NASP: variants seen among roughly 807,000 people sequenced by gnomAD.
The protein encoded by NASP is nuclear autoantigenic sperm protein.
A neutral mutation model predicts 89.5 loss-of-function variants in NASP; 24 were observed. That is an observed-to-expected ratio of 0.27 (90% confidence interval 0.19 to 0.38). NASP has a LOEUF of 0.38. Ranked by LOEUF, NASP falls within the 10% of genes least tolerant of loss-of-function variation. The pLI is 1.00. For synonymous variants in NASP, 306 were observed against 324.7 expected, an observed-to-expected ratio of 0.94 and a Z score of 0.62; for missense variants, 848 against 921.4, an observed-to-expected ratio of 0.92 and a Z score of 1.03.
intron 11 of NASP, 114 bp downstream of exon 11, chr1:45,615,585 T>C: frequency 1.1e-6 from 1 of 949,018 alleles, no homozygotes; most frequent in Non-Finnish European, 1.6e-6. Context: ...TGGGCTCATC[T>C]AATTATTCCT....
intron 2 of NASP, chr1:45,594,709 A>G: frequency 2.2e-6 from 1 of 455,562 alleles, no homozygotes; most frequent in Non-Finnish European, 4.4e-6. Flanking sequence ...AGGTTTCGTC[A>G]CGTTGCCCAG....
intron 14 of NASP, 132 bp downstream of exon 14, chr1:45,617,723 A>G: frequency 8.9e-7 from 1 of 1,126,010 alleles, no homozygotes; most frequent in South Asian, 1.7e-5. Flanking sequence ...CTCACAGAAA[A>G]CGGTACTTGT....
chr1:45,618,854 A>G lies in NASP; in HGVS notation c.*713A>G, dbSNP rs925410773. On this transcript the variant is annotated 3_prime_UTR_variant, in exon 15 of 15. Transcript: ENST00000350030. ...ATATCAACACTTGGAATTGTTACCC[A>G]TCTGCAGAATTGACTTCTCAAATAA... 2.3e-4 allele frequency: 35 copies of G among 152,224 alleles called. No homozygotes were observed. The highest frequency in any genetic ancestry group is 7.2e-4 in the African/African-American group (30 of 41,442). 9.4% of individuals were successfully genotyped at this position (152,224 alleles called of 1,614,324 possible).
At chr1:45,587,510 A>G (rs918809079) in intron 1 of NASP, among the ~76,000 whole-genome samples, 1 of 151,510 alleles carries the variant, frequency 6.6e-6, no homozygotes, top group Non-Finnish European at 1.5e-5. Flanking sequence ...GGTGCCGTGT[A>G]TGGTCTGTGT....
chr1:45,591,178 T>C lies in NASP; in HGVS notation c.60-45T>C, dbSNP rs1282683093. The C allele has an allele frequency of 2.6e-6, 3 of 1,175,304 alleles. No individual in the cohort carries two copies. The African/African-American group carries it at 4.8e-5, about 19-fold the overall frequency. 72.8% of individuals were successfully genotyped at this position (1,175,304 alleles called of 1,614,324 possible). On this transcript the variant is annotated intron_variant, in intron 1 of 14. Coordinates refer to ENST00000350030, the MANE Select transcript of NASP (RefSeq NM_002482.4). ...TTTATTTTATTTTCAGGCTTAATAATTGCCTCCAGTTTTACATTTTTTCCC... is the reference window on the plus strand; with the variant it reads ...TTTATTTTATTTTCAGGCTTAATAACTGCCTCCAGTTTTACATTTTTTCCC...
Position 45,607,707 on chromosome 1 carries a change from G to T in NASP, c.796G>T (p.Val266Leu), listed in dbSNP as rs1419569932. ...AGGAGGTCAGGAGAAGCAGGGAGAG[G>T]TAATTGTGAGCATAGAGGAGAAGCC... ...EKGGQEKQGE[V>L]IVSIEEKPKE... Residue 266 changes from valine to leucine, a missense_variant, in exon 6 of 15, where the codon GTA becomes TTA. Transcript: ENST00000350030. The T allele has an allele frequency of 6.2e-7, 1 of 1,614,056 alleles. No homozygotes were observed. Among genetic ancestry groups the T allele is most frequent in the Admixed American group, 1.7e-5 (1 of 60,000 alleles).
In NASP at chr1:45,613,182, A is replaced by G. The variant is rs2230658; in HGVS notation, c.1440A>G (p.Ser480=). ...QMKEGEETEG[S]EEDDKENDKT... ...TTTTACTTGTAGAAACTGAAGGCTC[A>G]GAAGAGGATGATAAAGAAAATGATA... is the stretch of plus-strand genomic sequence containing the variant. The change falls in exon 7 of 15, where the codon TCA becomes TCG. Residue 480 remains serine, a synonymous_variant. Coordinates refer to ENST00000350030, the MANE Select transcript of NASP (RefSeq NM_002482.4). 0.7 allele frequency: 1,124,142 copies of G among 1,598,574 alleles called. 397,017 individuals are homozygous for G. Among genetic ancestry groups the G allele is most frequent in the African/African-American group, 0.76 (56,363 of 74,196 alleles).
chr1:45,588,782 C>CA (rs754289356), intron 1 of NASP: 1,503 of 243,294 alleles, frequency 6.2e-3, no homozygotes, highest in South Asian at 0.012. Flanking sequence ...ACTAAAAATA[C>CA]AAAAAAAAAA....
intron 2 of NASP, among the ~76,000 whole-genome samples, chr1:45,599,953 A>ATTTTTTTTTTTTTTTT (rs11302173): frequency 5.1e-5 from 4 of 79,076 alleles, no homozygotes; most frequent in Admixed American, 1.5e-4. Context: ...TTTCCTCTGT[A>ATTTTTTTTTTTTTTTT]TTTTTTTTTT....
intron 2 of NASP, among the ~76,000 whole-genome samples, chr1:45,592,029 C>T (rs1182206287): frequency 6.6e-6 from 1 of 152,208 alleles, no homozygotes; most frequent in Non-Finnish European, 1.5e-5. Flanking sequence ...CTCTTGTCGC[C>T]CAGGCTGGAG....
At chr1:45,617,365 TC>T in intron 13 of NASP, 97 bp from the exon 14 acceptor site, 1 of 1,404,078 alleles carries the variant, frequency 7.1e-7, no homozygotes, top group Non-Finnish European at 9.7e-7. Context: ...ATCCTGATGT[TC>T]AGGATCTTTG....
intron 14 of NASP, 65 bp downstream of exon 14, chr1:45,617,656 G>A (rs1337765875): frequency 8.0e-6 from 12 of 1,500,622 alleles, no homozygotes; most frequent in Non-Finnish European, 1.1e-5. Context: ...GGGGAAATCA[G>A]TCCTCTCAAG....
chr1:45,596,304 C>T (rs533732951), intron 2 of NASP, among the ~76,000 whole-genome samples: 22 of 152,276 alleles, frequency 1.4e-4, no homozygotes, highest in African/African-American at 4.8e-4. Context: ...AGTAAATTCA[C>T]ATTGTCGTAT....
At chr1:45,592,305 G>T (rs1332241934) in intron 2 of NASP, among the ~76,000 whole-genome samples, 1 of 151,898 alleles carries the variant, frequency 6.6e-6, no homozygotes, top group Admixed American at 6.6e-5. Context: ...TTTCGAAGCG[G>T]AGTCTTGCTT....
intron 2 of NASP, among the ~76,000 whole-genome samples, chr1:45,598,694 ATACTG>A (rs1643758703): frequency 6.6e-6 from 1 of 152,108 alleles, no homozygotes; most frequent in East Asian, 1.9e-4. Flanking sequence ...CCAAAGCTAA[ATACTG>A]TACAGTAATT....
intron 4 of NASP, among the ~76,000 whole-genome samples, chr1:45,605,319 T>A (rs770509788): frequency 1.3e-5 from 2 of 152,226 alleles, no homozygotes; most frequent in Non-Finnish European, 2.9e-5. Context: ...CTGGAAAGAA[T>A]TAGCAAGTGA....
chr1:45,613,431 G>A (rs1382826155), intron 7 of NASP, among the ~76,000 whole-genome samples, 183 bp downstream of exon 7: 1 of 152,170 alleles, frequency 6.6e-6, no homozygotes, highest in Non-Finnish European at 1.5e-5. Flanking sequence ...CTACAGGCTT[G>A]TGCCAACATG....
At position 45,595,129 on chromosome 1, in the gene NASP, T is replaced by G. The variant is rs868792205; in HGVS notation, c.107+3859T>G. Among the ~76,000 whole-genome samples, 182 of 111,866 alleles carry G rather than the reference T, an allele frequency of 1.6e-3. 1 individual carries two copies. The East Asian group carries it at 0.017, about 10-fold the overall frequency. The allele number at this position is 111,866 out of a possible 152,430, so 73.4% of individuals were successfully genotyped here. On this transcript the variant is annotated intron_variant, in intron 2 of 14. Coordinates refer to ENST00000350030, the MANE Select transcript of NASP (RefSeq NM_002482.4). ...CTGCCTCAGCCTGCCAGACTAAGTTTTGTGTGTGTGTGTGTGTGTGTGTGT... is the reference window on the plus strand; with the variant it reads ...CTGCCTCAGCCTGCCAGACTAAGTTGTGTGTGTGTGTGTGTGTGTGTGTGT...
rs1163831718 is a variant in NASP at position 45,618,249 on chromosome 1, G to C, written c.*108G>C. 5.4e-6 allele frequency: 5 copies of C among 920,224 alleles called. No individual in the cohort carries two copies. Among genetic ancestry groups the C allele is most frequent in the Non-Finnish European group, 8.2e-6 (5 of 608,038 alleles). The allele number at this position is 920,224 out of a possible 1,614,324, so 57.0% of individuals were successfully genotyped here. Reference sequence around the variant, plus strand: ...ACTTCAATAAAGATTGTAAGCAAAGGTTGAGGCTTTGATGGTTTTTTTCTT... The same window carrying C: ...ACTTCAATAAAGATTGTAAGCAAAGCTTGAGGCTTTGATGGTTTTTTTCTT... On this transcript the variant is annotated 3_prime_UTR_variant, in exon 15 of 15. Coordinates refer to ENST00000350030, the MANE Select transcript of NASP (RefSeq NM_002482.4).
Sources: allele counts gnomAD v4.1 joint callset (sites outside exome capture counted in the v4.1 genomes callset), GRCh38; gene constraint gnomAD v4.1.1; transcripts MANE v1.5; gene names NCBI Gene and HGNC (gene_info 2026-07-23, HGNC 2026-07-21).